KLHL3: variants seen among roughly 807,000 people sequenced by gnomAD.
The protein encoded by KLHL3 is kelch like family member 3.
KLHL3 carries 19 observed loss-of-function variants against 70.5 expected under a neutral mutation model. That is an observed-to-expected ratio of 0.27 (90% CI 0.19 to 0.40). The LOEUF is 0.40. Among genes scored for constraint, KLHL3 ranks in the 10% least tolerant of loss-of-function variants. The pLI is 1.00. For synonymous variants in KLHL3, 258 were observed against 290.3 expected, an observed-to-expected ratio of 0.89 and a Z score of 1.13; for missense variants, 512 against 771.1, an observed-to-expected ratio of 0.66 and a Z score of 3.98.
At chr5:137,695,332 C>T (rs904357215) in intron 4 of KLHL3, among the ~76,000 whole-genome samples, 2 of 152,186 alleles carry the variant, frequency 1.3e-5, no homozygotes, top group Non-Finnish European at 2.9e-5. Flanking sequence ...TCCACTCCTA[C>T]CCAAAAGCCT....
chr5:137,671,791 A>T (rs1317410413), intron 6 of KLHL3: 2 of 152,172 alleles, frequency 1.3e-5, no homozygotes, highest in Non-Finnish European at 2.9e-5. Context: ...GAAGCCAAGA[A>T]GGTAGGTGCC....
chr5:137,659,311 G>A (rs1213737891), intron 7 of KLHL3, among the ~76,000 whole-genome samples: 1 of 152,196 alleles, frequency 6.6e-6, no homozygotes, highest in Non-Finnish European at 1.5e-5. Context: ...CAGCCCTCAA[G>A]TCAGTGATGC....
chr5:137,627,519 G>C (rs1001380438), intron 13 of KLHL3, among the ~76,000 whole-genome samples: 1 of 143,188 alleles, frequency 7.0e-6, no homozygotes, highest in African/African-American at 2.6e-5. Flanking sequence ...CCACGAATGG[G>C]CTTAGCAAAC....
At chr5:137,677,461 A>G in intron 6 of KLHL3, 84 bp downstream of exon 6, 1 of 784,132 alleles carries the variant, frequency 1.3e-6, no homozygotes, top group Non-Finnish European at 2.1e-6. Flanking sequence ...AAAAAAGAAA[A>G]GAAAAGATCT....
intron 5 of KLHL3, among the ~76,000 whole-genome samples, 166 bp downstream of exon 5, chr5:137,692,119 G>A (rs1307668569): frequency 6.6e-6 from 1 of 152,194 alleles, no homozygotes; most frequent in Non-Finnish European, 1.5e-5. Context: ...ACTTGGCAAT[G>A]AGCTAAACTG....
At chr5:137,730,220 T>C (rs1356509676) in intron 1 of KLHL3, among the ~76,000 whole-genome samples, 1 of 152,196 alleles carries the variant, frequency 6.6e-6, no homozygotes, top group East Asian at 1.9e-4. Context: ...CTCCAAGGCC[T>C]GGGCTTTTAA....
At chr5:137,635,052 C>A (rs1750734142) in intron 11 of KLHL3, among the ~76,000 whole-genome samples, 1 of 152,130 alleles carries the variant, frequency 6.6e-6, no homozygotes, top group Non-Finnish European at 1.5e-5. Flanking sequence ...ATCTATTTAA[C>A]AGGATTACTT....
chr5:137,693,176 A>C (rs1354170508), intron 4 of KLHL3, among the ~76,000 whole-genome samples: 1 of 152,236 alleles, frequency 6.6e-6, no homozygotes, highest in Non-Finnish European at 1.5e-5. Context: ...CCTGGAGCTT[A>C]GAGTCTACTG....
At chr5:137,649,066 T>G (rs80072977) in intron 8 of KLHL3, among the ~76,000 whole-genome samples, 2,418 of 152,350 alleles carry the variant, frequency 0.016, 30 homozygotes, top group Non-Finnish European at 0.026. Context: ...TTGTGACATT[T>G]GGAAGCAATA....
chr5:137,659,787 T>C (rs1385131514), intron 7 of KLHL3, among the ~76,000 whole-genome samples: 1 of 152,234 alleles, frequency 6.6e-6, no homozygotes. Flanking sequence ...AATTTGAATG[T>C]AATGAATGCC....
chr5:137,730,212 C>T (rs920456155), intron 1 of KLHL3, among the ~76,000 whole-genome samples: 7 of 152,190 alleles, frequency 4.6e-5, no homozygotes, highest in Admixed American at 4.6e-4. Context: ...CTATCTGACT[C>T]CAAGGCCTGG....
chr5:137,679,751 G>A (rs1244705919), intron 5 of KLHL3, among the ~76,000 whole-genome samples: 1 of 152,060 alleles, frequency 6.6e-6, no homozygotes, highest in Non-Finnish European at 1.5e-5. Context: ...TTCTGAAGTG[G>A]GCTGCTTCTC....
chr5:137,712,252 C>T (rs867440151), intron 2 of KLHL3, among the ~76,000 whole-genome samples: 3 of 146,652 alleles, frequency 2.0e-5, no homozygotes, highest in East Asian at 4.0e-4. Flanking sequence ...AAATGCTGAA[C>T]AAATGTTCAG....
intron 14 of KLHL3, among the ~76,000 whole-genome samples, 170 bp from the exon 15 acceptor site, chr5:137,622,296 T>C (rs935680037): frequency 6.6e-6 from 1 of 152,156 alleles, no homozygotes; most frequent in African/African-American, 2.4e-5. Context: ...TGTTCCCCAC[T>C]CCAACAGCCA....
chr5:137,662,074 A>C (rs1168043395), intron 6 of KLHL3, 43 bp from the exon 7 acceptor site: 5 of 908,648 alleles, frequency 5.5e-6, no homozygotes, highest in African/African-American at 1.8e-5. Flanking sequence ...AAAGAGACAA[A>C]AGCTTTCAAA....
chr5:137,625,781 C>T lies in KLHL3; in HGVS notation c.1707G>A (p.Thr569=), dbSNP rs1052083717. ...PVTDKWTLLP[T]NMSTGRSYAG... ...CATAGCTCCGCCCCGTGCTCATGTTCGTTGGAAGCAGCGTCCATTTGTCAG... is the reference window on the plus strand; with the variant it reads ...CATAGCTCCGCCCCGTGCTCATGTTTGTTGGAAGCAGCGTCCATTTGTCAG... The change falls in exon 14 of 15, where the codon ACG becomes ACA. Residue 569 remains threonine, a synonymous_variant. Transcript: ENST00000309755. 3.1e-6 allele frequency: 5 copies of T among 1,614,026 alleles called. No homozygotes were observed. The highest frequency in any genetic ancestry group is 2.2e-5 in the East Asian group (1 of 44,896).
chr5:137,699,552 A>G (rs569706442), intron 3 of KLHL3, among the ~76,000 whole-genome samples: 11 of 152,326 alleles, frequency 7.2e-5, no homozygotes, highest in African/African-American at 2.6e-4. Context: ...ATAATCCAAA[A>G]AAGAGAGAAG....
intron 6 of KLHL3, among the ~76,000 whole-genome samples, chr5:137,665,403 C>T (rs907255498): frequency 2.0e-5 from 3 of 152,076 alleles, no homozygotes; most frequent in East Asian, 1.9e-4. Flanking sequence ...AGAATTTCCT[C>T]GTTCTTAAGA....
intron 5 of KLHL3, among the ~76,000 whole-genome samples, chr5:137,683,951 G>T (rs557308407): frequency 6.6e-6 from 1 of 152,302 alleles, no homozygotes; most frequent in South Asian, 2.1e-4. Flanking sequence ...ATCTGTGTCT[G>T]CACGACTGCC....
Sources: allele counts gnomAD v4.1 joint callset (sites outside exome capture counted in the v4.1 genomes callset), GRCh38; gene constraint gnomAD v4.1.1; transcripts MANE v1.5; gene names NCBI Gene and HGNC (gene_info 2026-07-23, HGNC 2026-07-21).